The following APBA1 variants were observed in gnomAD, a reference collection of about 807,000 sequenced individuals.
The protein encoded by APBA1 is amyloid beta precursor protein binding family A member 1.
APBA1 carries 55 observed loss-of-function variants against 86.6 expected under a neutral mutation model. The observed-to-expected ratio is 0.64, with a 90% confidence interval of 0.51 to 0.80. APBA1 has a LOEUF of 0.80. Among genes scored for constraint, APBA1 ranks in the 30% least tolerant of loss-of-function variants. APBA1 has a pLI of 0.00. For synonymous variants in APBA1, 511 were observed against 493.9 expected (o/e 1.03, Z -0.46); for missense variants, 1,090 against 1,183.0 (o/e 0.92, Z 1.15).
intron 1 of APBA1, among the ~76,000 whole-genome samples, chr9:69,578,497 C>G (rs907692265): frequency 1.3e-5 from 2 of 152,204 alleles, no homozygotes; most frequent in African/African-American, 4.8e-5. Flanking sequence ...CCCTGAATTT[C>G]TGGATAAAAG....
At chr9:69,513,572 A>T (rs762865457) in intron 2 of APBA1, among the ~76,000 whole-genome samples, 22 of 152,228 alleles carry the variant, frequency 1.4e-4, no homozygotes, top group Non-Finnish European at 2.9e-4. Context: ...AGGAATCTGG[A>T]GACAGCTGGA....
At chr9:69,444,404 C>G (rs1294125406) in intron 10 of APBA1, among the ~76,000 whole-genome samples, 1 of 152,204 alleles carries the variant, frequency 6.6e-6, no homozygotes, top group Admixed American at 6.5e-5. Flanking sequence ...AGGACCAGCA[C>G]AGCCTGGTGA....
chr9:69,569,794 T>C (rs1435917156), intron 1 of APBA1, among the ~76,000 whole-genome samples: 1 of 152,228 alleles, frequency 6.6e-6, no homozygotes, highest in Non-Finnish European at 1.5e-5. Context: ...TCTGCAATAA[T>C]ACTGATTCAA....
chr9:69,621,934 G>A (rs528662337), intron 1 of APBA1, among the ~76,000 whole-genome samples: 2 of 152,258 alleles, frequency 1.3e-5, no homozygotes, highest in East Asian at 1.9e-4. Flanking sequence ...ATGTTCTCCC[G>A]TCCCAGATGG....
At chr9:69,561,363 C>T (rs1836943210) in intron 1 of APBA1, among the ~76,000 whole-genome samples, 1 of 152,216 alleles carries the variant, frequency 6.6e-6, no homozygotes, top group South Asian at 2.1e-4. Context: ...TGGAGGAACA[C>T]ACTTTGAGTG....
At chr9:69,432,139 G>A (rs111904470) in intron 12 of APBA1, among the ~76,000 whole-genome samples, 33 of 152,374 alleles carry the variant, frequency 2.2e-4, no homozygotes, top group African/African-American at 7.0e-4. Flanking sequence ...CTGCACTGGG[G>A]TCACACCTCT....
chr9:69,583,321 C>A (rs1272438188), intron 1 of APBA1, among the ~76,000 whole-genome samples: 2 of 152,208 alleles, frequency 1.3e-5, no homozygotes, highest in Non-Finnish European at 2.9e-5. Flanking sequence ...CCTAAAAAAA[C>A]CCCAGGTCTC....
At chr9:69,536,053 T>G (rs866063961) in intron 1 of APBA1, among the ~76,000 whole-genome samples, 21 of 151,854 alleles carry the variant, frequency 1.4e-4, no homozygotes, top group African/African-American at 4.1e-4. Context: ...TTTGTTTTTT[T>G]TTTTTTGATG....
intron 1 of APBA1, among the ~76,000 whole-genome samples, chr9:69,572,268 T>A (rs771221808): frequency 7.9e-5 from 12 of 152,136 alleles, no homozygotes; most frequent in Non-Finnish European, 7.4e-5. Flanking sequence ...CAGGCCCCAG[T>A]GTGTGTTTTC....
rs1359924708 is a variant in APBA1, at chr9:69,465,247, C to T, written c.1482+2576G>A. 3 of 152,224 alleles carry T rather than the reference C, an allele frequency of 2.0e-5. No homozygotes were observed. The East Asian group carries it at 5.8e-4, about 29-fold the overall frequency. The allele number at this position is 152,224 out of a possible 1,614,324, so 9.4% of individuals were successfully genotyped here. On this transcript the variant is annotated intron_variant, in intron 5 of 12. Transcript: ENST00000265381. Reference sequence around the variant, plus strand: ...CATTTCCAAACACATCTTATGAAGGCAGTCCCTGTCTATCAGAGACCCCAA... The same window carrying T: ...CATTTCCAAACACATCTTATGAAGGTAGTCCCTGTCTATCAGAGACCCCAA...
At chr9:69,606,479 CTTTTT>C (rs35083481) in intron 1 of APBA1, among the ~76,000 whole-genome samples, 1 of 50,872 alleles carries the variant, frequency 2.0e-5, no homozygotes, top group Non-Finnish European at 3.6e-5. Flanking sequence ...AGGGAGCTAG[CTTTTT>C]TTTTTTTTTT....
At chr9:69,436,837 C>T (rs1438754961) in intron 11 of APBA1, among the ~76,000 whole-genome samples, 2 of 151,990 alleles carry the variant, frequency 1.3e-5, no homozygotes, top group Non-Finnish European at 2.9e-5. Flanking sequence ...TGAGAGAGGG[C>T]ATCCCTGTCT....
chr9:69,524,072 T>C (rs888968726), intron 1 of APBA1, among the ~76,000 whole-genome samples: 2 of 152,156 alleles, frequency 1.3e-5, no homozygotes, highest in African/African-American at 2.4e-5. Flanking sequence ...ATCTCTGGGA[T>C]GCAGCAAAAG....
chr9:69,558,559 C>CATATAT (rs1410749367), intron 1 of APBA1, among the ~76,000 whole-genome samples: 16 of 137,558 alleles, frequency 1.2e-4, no homozygotes, highest in Admixed American at 9.2e-4. Context: ...CACACACACA[C>CATATAT]ACATATATAT....
At position 69,440,976 on chromosome 9, in the gene APBA1, G is replaced by A. The variant is rs752010949; in HGVS notation, c.2301+20C>T. On this transcript the variant is annotated intron_variant, in intron 11 of 12. Transcript: ENST00000265381. ...ATTTGTCAACATTGTGGAAAAGGGT[G>A]TGGAAGGTGTTCTACTTACAATTCC... 4.3e-6 allele frequency: 7 copies of A among 1,610,692 alleles called. 1 individual carries two copies. In the South Asian group the frequency reaches 7.7e-5, roughly 18 times the overall value.
At chr9:69,500,696 T>A (rs987344472) in intron 2 of APBA1, among the ~76,000 whole-genome samples, 3 of 151,758 alleles carry the variant, frequency 2.0e-5, no homozygotes, top group Non-Finnish European at 4.4e-5. Flanking sequence ...CTTACCAATT[T>A]TGACTGAATC....
At chr9:69,647,502 C>T (rs1006782112) in intron 1 of APBA1, among the ~76,000 whole-genome samples, 3 of 152,178 alleles carry the variant, frequency 2.0e-5, no homozygotes, top group Non-Finnish European at 4.4e-5. Flanking sequence ...AAGTGCAAGC[C>T]GACTTCCAAA....
chr9:69,447,775 G>A (rs1377879578), intron 10 of APBA1, among the ~76,000 whole-genome samples: 1 of 152,138 alleles, frequency 6.6e-6, no homozygotes, highest in Non-Finnish European at 1.5e-5. Context: ...GGCTCAGCAA[G>A]TCAGTCCACA....
chr9:69,655,281 T>TA (rs1268010722), intron 1 of APBA1, among the ~76,000 whole-genome samples: 1 of 152,172 alleles, frequency 6.6e-6, no homozygotes, highest in African/African-American at 2.4e-5. Context: ...TACTGGCAGA[T>TA]ATGAATATAT....
Sources: gnomAD v4.1 joint callset for allele counts (sites outside exome capture counted in the v4.1 genomes callset) on GRCh38, gnomAD v4.1.1 for gene constraint, MANE v1.5 for transcripts, NCBI Gene and HGNC (gene_info 2026-07-23, HGNC 2026-07-21) for gene names.